DYNLRB2: variants seen among roughly 807,000 people sequenced by gnomAD.
The protein encoded by DYNLRB2 is dynein light chain roadblock-type 2, also known as bithoraxoid-like protein.
In DYNLRB2, 14 loss-of-function variants were observed where a neutral mutation model predicts 12.6. The observed-to-expected ratio is 1.11, with a 90% CI of 0.73 to 1.73. DYNLRB2 has a LOEUF of 1.73. Among genes scored for constraint, DYNLRB2 ranks in the 40% most tolerant of loss-of-function variants. The pLI is 0.00. For missense variants in DYNLRB2, 142 were observed against 117.7 expected, an observed-to-expected ratio of 1.21 and a Z score of -0.95; for synonymous variants, 53 against 37.0, an observed-to-expected ratio of 1.43 and a Z score of -1.57.
chr16:80,549,482 A>G lies in DYNLRB2; in HGVS notation c.80-2A>G, dbSNP rs1904698458. ...ATTAACCAAAATTAAATTTCATAAT[A>G]GGTATTCCCATCCGAACAACCTTGG... On this transcript the variant is annotated splice_acceptor_variant, in intron 2 of 3. Transcript: ENST00000305904. LOFTEE classifies it high-confidence loss of function. 1.9e-6 allele frequency: 3 copies of G among 1,590,068 alleles called. No individual in the cohort carries two copies. Among genetic ancestry groups the G allele is most frequent in the Non-Finnish European group, 2.6e-6 (3 of 1,165,528 alleles).
At chr16:80,546,165 T>C (rs1014317754) in intron 2 of DYNLRB2, among the ~76,000 whole-genome samples, 7 of 152,222 alleles carry the variant, frequency 4.6e-5, no homozygotes, top group Admixed American at 6.5e-5. Context: ...AGGGTGTTTA[T>C]TAATGGCATA....
At chr16:80,545,744 A>T (rs9939509) in intron 2 of DYNLRB2, among the ~76,000 whole-genome samples, 120,830 of 144,970 alleles carry the variant, frequency 0.83, 52,796 homozygotes, top group Non-Finnish European at 0.98. Flanking sequence ...CTCAGCTCAC[A>T]GCAAGCTCTG....
chr16:80,548,762 A>C (rs905268270), intron 2 of DYNLRB2, among the ~76,000 whole-genome samples: 4 of 152,090 alleles, frequency 2.6e-5, no homozygotes, highest in African/African-American at 9.7e-5. Context: ...CAAGTAGCCA[A>C]ATTTAATAGT....
intron 1 of DYNLRB2, among the ~76,000 whole-genome samples, chr16:80,542,949 G>A (rs1904301958): frequency 6.6e-6 from 1 of 152,130 alleles, no homozygotes; most frequent in Non-Finnish European, 1.5e-5. Context: ...AGATAATCTG[G>A]GACAAATTTC....
intron 1 of DYNLRB2, among the ~76,000 whole-genome samples, chr16:80,542,185 C>G (rs1031305192): frequency 3.9e-5 from 6 of 152,126 alleles, no homozygotes; most frequent in Non-Finnish European, 7.4e-5. Flanking sequence ...ACAGTTATTT[C>G]TATTTATGAG....
intron 3 of DYNLRB2, 78 bp from the exon 4 acceptor site, chr16:80,550,437 G>GA: frequency 6.4e-7 from 1 of 1,566,560 alleles, no homozygotes; most frequent in Admixed American, 1.7e-5. Context: ...ATGTTTTGAA[G>GA]AAAAAAGAAG....
chr16:80,549,788 G>T (rs1042048752), intron 3 of DYNLRB2, 137 bp downstream of exon 3: 3 of 998,226 alleles, frequency 3.0e-6, no homozygotes, highest in Non-Finnish European at 3.9e-6. Flanking sequence ...AATGATGTTT[G>T]AATGTAAAAA....
At chr16:80,545,163 C>G (rs1369332153) in intron 2 of DYNLRB2, among the ~76,000 whole-genome samples, 1 of 152,014 alleles carries the variant, frequency 6.6e-6, no homozygotes, top group African/African-American at 2.4e-5. Flanking sequence ...TGGTGATATG[C>G]CTCAAAGGTC....
intron 2 of DYNLRB2, among the ~76,000 whole-genome samples, chr16:80,548,737 AAAAAAT>A: frequency 1.3e-5 from 2 of 149,012 alleles, no homozygotes; most frequent in African/African-American, 5.0e-5. Context: ...AAAAAAAAAA[AAAAAAT>A]AGAGCACCCA....
At chr16:80,546,154 A>G (rs1328629861) in intron 2 of DYNLRB2, among the ~76,000 whole-genome samples, 3 of 152,192 alleles carry the variant, frequency 2.0e-5, no homozygotes, top group Admixed American at 6.5e-5. Flanking sequence ...AGTATATAAC[A>G]AGGGTGTTTA....
intron 2 of DYNLRB2, among the ~76,000 whole-genome samples, chr16:80,545,281 A>G (rs900179369): frequency 6.6e-6 from 1 of 152,224 alleles, no homozygotes; most frequent in African/African-American, 2.4e-5. Context: ...GGCATCATAT[A>G]TAATAGCAAT....
intron 2 of DYNLRB2, among the ~76,000 whole-genome samples, chr16:80,544,352 G>C (rs535454691): frequency 2.6e-5 from 4 of 152,202 alleles, no homozygotes; most frequent in African/African-American, 7.2e-5. Flanking sequence ...CATTTATACA[G>C]TTAAAACATT....
chr16:80,548,608 G>A (rs980995778), intron 2 of DYNLRB2, among the ~76,000 whole-genome samples: 4 of 151,786 alleles, frequency 2.6e-5, no homozygotes, highest in Non-Finnish European at 1.5e-5. Flanking sequence ...TCTAATCTCA[G>A]CTACTCGGGA....
At chr16:80,548,703 C>A (rs1183949829) in intron 2 of DYNLRB2, among the ~76,000 whole-genome samples, 2 of 142,958 alleles carry the variant, frequency 1.4e-5, no homozygotes, top group Admixed American at 7.2e-5. Flanking sequence ...GCCTGGGGGG[C>A]CTACAATAGC....
chr16:80,544,347 A>T (rs543530554), intron 2 of DYNLRB2, among the ~76,000 whole-genome samples: 1 of 152,346 alleles, frequency 6.6e-6, no homozygotes, highest in East Asian at 1.9e-4. Flanking sequence ...TAATTCATTT[A>T]TACAGTTAAA....
chr16:80,546,744 A>G (rs1490396661), intron 2 of DYNLRB2, among the ~76,000 whole-genome samples: 3 of 152,206 alleles, frequency 2.0e-5, no homozygotes, highest in Non-Finnish European at 2.9e-5. Flanking sequence ...CAGGCTCTTA[A>G]TTTTAAATAT....
intron 1 of DYNLRB2, among the ~76,000 whole-genome samples, chr16:80,542,040 A>C (rs1428807397): frequency 6.6e-6 from 1 of 152,160 alleles, no homozygotes. Flanking sequence ...TTCTGTTGCT[A>C]TTAGGTCCTT....
upstream of DYNLRB2, chr16:80,540,821 GGGACCCACTGCTCCA>G (rs1567514923): frequency 1.4e-6 from 1 of 714,194 alleles, no homozygotes. Flanking sequence ...CTTCCCTCCC[GGGACCCACTGCTCCA>G]GGATTGGGCG....
At position 80,550,764 on chromosome 16, in the gene DYNLRB2, T is replaced by C. The variant is rs921843059; in HGVS notation, c.*206T>C. 1.4e-5 allele frequency: 8 copies of C among 590,880 alleles called. No individual in the cohort carries two copies. The highest frequency in any genetic ancestry group is 1.3e-4 in the African/African-American group (7 of 53,848). 36.6% of individuals were successfully genotyped at this position (590,880 alleles called of 1,614,324 possible). A position where few individuals can be genotyped will look rare whatever the true frequency, so the allele number is the denominator to read the frequency against. On this transcript the variant is annotated 3_prime_UTR_variant, in exon 4 of 4. Transcript: ENST00000305904. ...GTGATACAATAAGTGAATTCTGGTATATACGTCTCTATTGTCTTATAATAC... is the reference window on the plus strand; with the variant it reads ...GTGATACAATAAGTGAATTCTGGTACATACGTCTCTATTGTCTTATAATAC...
Sources: gnomAD v4.1 joint callset for allele counts (sites outside exome capture counted in the v4.1 genomes callset) on GRCh38, gnomAD v4.1.1 for gene constraint, MANE v1.5 for transcripts, NCBI Gene and HGNC (gene_info 2026-07-23, HGNC 2026-07-21) for gene names.